The following ATR variants were observed in gnomAD, a reference collection of about 807,000 sequenced individuals.
The protein encoded by ATR is ATR checkpoint kinase.
ATR carries 142 observed loss-of-function variants against 305.3 expected under a neutral mutation model. That is an observed-to-expected ratio of 0.47 (90% confidence interval 0.41 to 0.53). The LOEUF (loss-of-function observed/expected upper bound fraction) is 0.53. Ranked by LOEUF, ATR falls within the 20% of genes least tolerant of loss-of-function variation. The probability of loss-of-function intolerance (pLI) is 0.00; values close to 1 mark genes in which losing one functional copy is unlikely to be tolerated. For missense variants in ATR, 2,135 were observed against 3,133.1 expected, an observed-to-expected ratio of 0.68 and a Z score of 7.60; for synonymous variants, 1,050 against 1,068.1, an observed-to-expected ratio of 0.98 and a Z score of 0.33.
At chr3:142,506,847 A>G (rs1480075239) in intron 28 of ATR, among the ~76,000 whole-genome samples, 2 of 152,214 alleles carry the variant, frequency 1.3e-5, no homozygotes, top group Non-Finnish European at 2.9e-5. Context: ...ACAAAGGGGA[A>G]AGTAGCCTTA....
At chr3:142,544,504 T>C (rs1402870285) in intron 16 of ATR, among the ~76,000 whole-genome samples, 2 of 126,536 alleles carry the variant, frequency 1.6e-5, no homozygotes, top group Non-Finnish European at 3.4e-5. Context: ...AAGAACTTAG[T>C]ATATAGCTAA....
intron 38 of ATR, 73 bp from the exon 39 acceptor site, chr3:142,468,141 G>C: frequency 6.5e-7 from 1 of 1,542,036 alleles, no homozygotes; most frequent in South Asian, 1.2e-5. Context: ...TTTTTTGCTT[G>C]ACAAAAAACT....
chr3:142,499,836 T>G (rs1220260460), intron 30 of ATR, 118 bp from the exon 31 acceptor site: 5 of 838,174 alleles, frequency 6.0e-6, no homozygotes, highest in Non-Finnish European at 9.3e-6. Flanking sequence ...TATATTGTAT[T>G]TTGTTCTTAG....
rs75518582 is a variant in ATR at position 142,575,627 on chromosome 3, T to G, written c.59+3019A>C. ...ACCTCCTCCACATCCCACTGTTCCATTTAACATTTTAATAGCAACTATCAC... is the reference window on the plus strand; with the variant it reads ...ACCTCCTCCACATCCCACTGTTCCAGTTAACATTTTAATAGCAACTATCAC... On this transcript the variant is annotated intron_variant, in intron 1 of 46. Coordinates refer to ENST00000350721, the MANE Select transcript of ATR (RefSeq NM_001184.4). Among the ~76,000 whole-genome samples, 1,451 of 152,316 alleles carry G rather than the reference T, an allele frequency of 9.5e-3. 28 individuals carry two copies. Among genetic ancestry groups the G allele is most frequent in the African/African-American group, 0.032 (1,335 of 41,556 alleles).
chr3:142,509,156 TTTTA>T (rs759678054), intron 27 of ATR, among the ~76,000 whole-genome samples: 25 of 152,070 alleles, frequency 1.6e-4, no homozygotes, highest in Non-Finnish European at 3.4e-4. Context: ...TATATTTTAT[TTTTA>T]TTTATTTACT....
chr3:142,550,804 T>A (rs1026388564), intron 13 of ATR, among the ~76,000 whole-genome samples: 4 of 151,926 alleles, frequency 2.6e-5, no homozygotes, highest in African/African-American at 9.7e-5. Flanking sequence ...TTTTTTTTTT[T>A]AAAGACAGAG....
intron 35 of ATR, among the ~76,000 whole-genome samples, chr3:142,489,413 G>A (rs929543441): frequency 6.6e-6 from 1 of 152,126 alleles, no homozygotes; most frequent in Non-Finnish European, 1.5e-5. Flanking sequence ...CAGTCAAGAA[G>A]ATGAACATTC....
At chr3:142,560,845 C>A (rs1341923966) in intron 5 of ATR, among the ~76,000 whole-genome samples, 2 of 152,162 alleles carry the variant, frequency 1.3e-5, no homozygotes, top group South Asian at 2.1e-4. Context: ...CAGGCGTGAG[C>A]CACCGCGCCC....
At chr3:142,522,282 G>A (rs1349035307) in intron 23 of ATR, among the ~76,000 whole-genome samples, 3 of 152,142 alleles carry the variant, frequency 2.0e-5, no homozygotes, top group South Asian at 2.1e-4. Flanking sequence ...TAAACATAAT[G>A]TTAATATGCA....
At chr3:142,516,209 C>G (rs2032854688) in intron 24 of ATR, among the ~76,000 whole-genome samples, 1 of 152,184 alleles carries the variant, frequency 6.6e-6, no homozygotes. Context: ...CCTCTTTCCA[C>G]AACCATCTTA....
At chr3:142,451,663 T>TCCAACTCCTGGGGTCAAGTGATCCTCCCA in intron 46 of ATR, 1 of 1,210,668 alleles carries the variant, frequency 8.3e-7, no homozygotes, top group Non-Finnish European at 1.0e-6. Flanking sequence ...CACAGCAGCC[T>TCCAACTCCTGGGGTCAAGTGATCCTCCCA]CCAACTCCTG....
At chr3:142,507,229 A>G (rs769666069) in intron 28 of ATR, among the ~76,000 whole-genome samples, 5 of 152,000 alleles carry the variant, frequency 3.3e-5, no homozygotes, top group African/African-American at 7.3e-5. Flanking sequence ...ATTCCACTGT[A>G]TTCGCCTCAC....
chr3:142,553,121 A>G (rs2034537147), intron 13 of ATR, 106 bp downstream of exon 13: 1 of 1,399,074 alleles, frequency 7.1e-7, no homozygotes, highest in African/African-American at 1.5e-5. Flanking sequence ...TAAATTGAAG[A>G]AAAAAGAAAA....
chr3:142,512,440 G>C lies in ATR; in HGVS notation c.4672C>G (p.His1558Asp), dbSNP rs757706760. 4.3e-6 allele frequency: 7 copies of C among 1,612,762 alleles called. No individual in the cohort carries two copies. Among genetic ancestry groups the C allele is most frequent in the Non-Finnish European group, 5.9e-6 (7 of 1,179,060 alleles). ...GTATTTATGGTATGCTGATCGTCAT[G>C]CTTTAGAACTGCCATAATTTCTGCA... ...VYAEIMAVLK[H>D]DDQHTINTQD... is the part of the protein sequence containing the mutation. The change falls in exon 27 of 47, where the codon CAT (histidine) becomes GAT (aspartate). Residue 1558 changes from histidine to aspartate, a missense_variant. His to Asp is a moderately conservative substitution (Grantham distance 81, BLOSUM62 -1). Around this residue, in one of 9 missense-constraint regions of ATR, gnomAD observed 202 missense variants for 252.9 expected, o/e 0.80. Transcript: ENST00000350721.
rs775660456 is a variant in ATR at position 142,555,995 on chromosome 3, G to A, written c.2223C>T (p.Phe741=). 1.2e-6 allele frequency: 2 copies of A among 1,614,044 alleles called. No homozygotes were observed. The highest frequency in any genetic ancestry group is 3.3e-5 in the Admixed American group (2 of 60,028). ...GAGAAGTGGCTTTCAAGTTCCTACA[G>A]AAGAGGTCCACATGTCCGTGTTCAG... ...PFSEHGHVDL[F]CRNLKATSQH... The change falls in exon 10 of 47, where the codon TTC becomes TTT. Residue 741 remains phenylalanine (F), a synonymous_variant. Transcript: ENST00000350721.
chr3:142,503,845 T>C (rs1281837304), intron 29 of ATR, among the ~76,000 whole-genome samples: 1 of 152,232 alleles, frequency 6.6e-6, no homozygotes, highest in Non-Finnish European at 1.5e-5. Context: ...AGTTATTATA[T>C]TTTTCAATTT....
intron 23 of ATR, among the ~76,000 whole-genome samples, chr3:142,522,257 G>C (rs2033176765): frequency 6.6e-6 from 1 of 152,178 alleles, no homozygotes; most frequent in Non-Finnish European, 1.5e-5. Flanking sequence ...ACACCTGACA[G>C]ACTATAGTAT....
intron 16 of ATR, among the ~76,000 whole-genome samples, chr3:142,546,023 T>G (rs1339825794): frequency 1.3e-5 from 2 of 152,158 alleles, no homozygotes; most frequent in Admixed American, 1.3e-4. Flanking sequence ...TCAGGTCCAT[T>G]CTCTGCCGCC....
chr3:142,520,768 G>A (rs2033115059), intron 23 of ATR, among the ~76,000 whole-genome samples: 1 of 152,050 alleles, frequency 6.6e-6, no homozygotes, highest in Admixed American at 6.6e-5. Context: ...GCTTCATGAG[G>A]TTTAAGGAAA....
Sources: gnomAD v4.1 joint callset for allele counts (sites outside exome capture counted in the v4.1 genomes callset) on GRCh38, gnomAD v4.1.1 for gene constraint, gnomAD v4.1.1 regional missense constraint, MANE v1.5 for transcripts, NCBI Gene and HGNC (gene_info 2026-07-23, HGNC 2026-07-21) for gene names.